CTPS1: variants seen among roughly 807,000 people sequenced by gnomAD.
The protein encoded by CTPS1 is CTP synthetase 1.
In CTPS1, 25 loss-of-function variants were observed where a neutral mutation model predicts 80.5. The ratio of observed to expected loss-of-function variants is 0.31; its 90% CI spans 0.23 to 0.43. CTPS1 has a LOEUF of 0.43. Ranked by LOEUF, CTPS1 falls within the 20% of genes least tolerant of loss-of-function variation. The pLI is 1.00. For missense variants in CTPS1, 442 were observed against 725.7 expected (o/e 0.61, Z 4.49); for synonymous variants, 267 against 252.5 (o/e 1.06, Z -0.54).
At chr1:41,008,571 G>A in intron 14 of CTPS1, 88 bp from the exon 15 acceptor site, 2 of 1,426,386 alleles carry the variant, frequency 1.4e-6, no homozygotes, top group Non-Finnish European at 2.0e-6. Context: ...TGTGGATGAT[G>A]AAAAGTAAAG....
intron 8 of CTPS1, among the ~76,000 whole-genome samples, chr1:40,996,868 G>A (rs1456806606): frequency 1.3e-5 from 2 of 152,050 alleles, no homozygotes; most frequent in African/African-American, 2.4e-5. Context: ...TAATTTGTTT[G>A]ACACTTGCCT....
At chr1:41,002,962 C>A in intron 11 of CTPS1, 152 bp from the exon 12 acceptor site, 1 of 686,188 alleles carries the variant, frequency 1.5e-6, no homozygotes. Context: ...TAAAGTGTAA[C>A]AGCAGAGAGT....
chr1:40,986,806 A>T (rs1391006586), intron 3 of CTPS1, among the ~76,000 whole-genome samples: 1 of 152,172 alleles, frequency 6.6e-6, no homozygotes, highest in Non-Finnish European at 1.5e-5. Flanking sequence ...CAGGTGGGGA[A>T]AACAAGCTTA....
At chr1:41,008,944 A>C (rs1451655152) in intron 16 of CTPS1, 54 bp downstream of exon 16, 2 of 1,330,508 alleles carry the variant, frequency 1.5e-6, no homozygotes, top group Non-Finnish European at 1.1e-6. Context: ...TTTTCTTGGC[A>C]TATGGGAAAA....
At chr1:41,003,281 C>T (rs1009627452) in intron 12 of CTPS1, 105 bp downstream of exon 12, 4 of 1,273,970 alleles carry the variant, frequency 3.1e-6, no homozygotes, top group African/African-American at 2.9e-5. Flanking sequence ...AAGGGCAGGC[C>T]TGGGTTCCTA....
intron 8 of CTPS1, 87 bp from the exon 9 acceptor site, chr1:40,997,306 GT>G (rs934131158): frequency 6.0e-6 from 9 of 1,491,904 alleles, no homozygotes; most frequent in African/African-American, 4.2e-5. Context: ...GCCAGACGTG[GT>G]TTTTTTTCCC....
chr1:40,994,114 A>T (rs922220138), intron 7 of CTPS1, among the ~76,000 whole-genome samples: 3 of 151,942 alleles, frequency 2.0e-5, no homozygotes, highest in Non-Finnish European at 4.4e-5. Context: ...GAGCACAGAC[A>T]CTTTTAAATT....
chr1:40,989,289 G>A (rs1327217979), intron 5 of CTPS1, among the ~76,000 whole-genome samples: 4 of 152,166 alleles, frequency 2.6e-5, no homozygotes, highest in African/African-American at 4.8e-5. Flanking sequence ...TGTTCTCTGG[G>A]GAGGGTTCCT....
intron 11 of CTPS1, 149 bp from the exon 12 acceptor site, chr1:41,002,965 C>T (rs746598707): frequency 9.9e-5 from 69 of 694,214 alleles, no homozygotes; most frequent in Non-Finnish European, 1.7e-4. Context: ...AGTGTAACAG[C>T]AGAGAGTACT....
At chr1:41,001,646 A>G (rs981237548) in intron 10 of CTPS1, 3 of 157,744 alleles carry the variant, frequency 1.9e-5, no homozygotes, top group Admixed American at 1.9e-4. Context: ...ACAGTGGCTC[A>G]TGCCTGTAAT....
At chr1:41,001,176 A>C in intron 10 of CTPS1, 59 bp downstream of exon 10, 1 of 1,298,066 alleles carries the variant, frequency 7.7e-7, no homozygotes, top group South Asian at 1.4e-5. Flanking sequence ...TTAATGAAAA[A>C]GTCCTCTTGT....
At position 40,982,632 on chromosome 1, in the gene CTPS1, C is replaced by T. The variant is rs142950258; in HGVS notation, c.-13-646C>T. Among the ~76,000 whole-genome samples the T allele has an allele frequency of 9.2e-4, 140 of 152,312 alleles. 3 individuals carry two copies. Among genetic ancestry groups the T allele is most frequent in the Non-Finnish European group, 6.2e-4 (42 of 68,032 alleles). The stretch of plus-strand genomic sequence containing the variant: ...CTCGAACTCCTGACCTCAAGTGATC[C>T]TCCTGGCTCTGCCTCCCAAAGTGCT... On this transcript the variant is annotated intron_variant, in intron 1 of 18. Coordinates refer to ENST00000650070, the MANE Select transcript of CTPS1 (RefSeq NM_001905.4).
intron 5 of CTPS1, 151 bp from the exon 6 acceptor site, chr1:40,991,014 G>T (rs1642593651): frequency 1.6e-6 from 1 of 622,790 alleles, no homozygotes; most frequent in East Asian, 3.0e-5. Context: ...TAAAATGCAT[G>T]CATGTGTAAC....
Position 41,009,577 on chromosome 1 carries a change from G to A in CTPS1, c.1679G>A (p.Arg560Lys). 1 of 1,614,098 alleles carries A rather than the reference G, an allele frequency of 6.2e-7. No individual in the cohort carries two copies. Among genetic ancestry groups the A allele is most frequent in the Non-Finnish European group, 8.5e-7 (1 of 1,180,016 alleles). ...RLSHYLQKGC[R>K]LSPRDTYSDR... The stretch of plus-strand genomic sequence containing the variant: ...TCACATTACCTCCAGAAAGGCTGCA[G>A]GCTCTCACCCAGGTAGGCGCACTCT... Residue 560 changes from arginine to lysine, a missense_variant, in exon 17 of 19, where the codon AGG becomes AAG. Transcript: ENST00000650070.
chr1:40,993,936 A>C (rs1014218345), intron 7 of CTPS1, among the ~76,000 whole-genome samples: 3 of 150,824 alleles, frequency 2.0e-5, no homozygotes, highest in African/African-American at 7.3e-5. Context: ...GCACCACCAC[A>C]CCTGGCTAAT....
chr1:40,984,149 G>A (rs764116526), intron 2 of CTPS1, among the ~76,000 whole-genome samples: 2 of 152,172 alleles, frequency 1.3e-5, no homozygotes, highest in Non-Finnish European at 2.9e-5. Context: ...ATACCTGAGT[G>A]ATATTTAATA....
intron 18 of CTPS1, among the ~76,000 whole-genome samples, chr1:41,011,056 C>T (rs1317157025): frequency 1.3e-5 from 2 of 152,220 alleles, no homozygotes; most frequent in African/African-American, 4.8e-5. Context: ...CTGAATCCTG[C>T]ACACCGTGTG....
intron 2 of CTPS1, among the ~76,000 whole-genome samples, chr1:40,984,206 G>A (rs938705653): frequency 6.6e-5 from 10 of 152,204 alleles, no homozygotes; most frequent in South Asian, 2.1e-4. Context: ...GGGAGAAAAT[G>A]AGACTTTTTT....
chr1:40,988,386 G>T, intron 4 of CTPS1: 1 of 449,890 alleles, frequency 2.2e-6, no homozygotes, highest in Non-Finnish European at 4.0e-6. Context: ...AATAACCTTT[G>T]GGAAGGATGA....
Sources: gnomAD v4.1 joint callset for allele counts (sites outside exome capture counted in the v4.1 genomes callset) on GRCh38, gnomAD v4.1.1 for gene constraint, MANE v1.5 for transcripts, NCBI Gene and HGNC (gene_info 2026-07-23, HGNC 2026-07-21) for gene names.